The following FAXC variants were observed in gnomAD, a reference collection of about 807,000 sequenced individuals.
The protein encoded by FAXC is failed axon connections homolog.
A neutral mutation model predicts 41.9 loss-of-function variants in FAXC; 10 were observed. That is an observed-to-expected ratio of 0.24 (90% CI 0.15 to 0.41). The LOEUF is 0.41. Among genes scored for constraint, FAXC ranks in the 10% least tolerant of loss-of-function variants. FAXC has a pLI of 1.00. For missense variants in FAXC, 399 were observed against 510.9 expected, an observed-to-expected ratio of 0.78 and a Z score of 2.11; for synonymous variants, 183 against 183.8, an observed-to-expected ratio of 1.00 and a Z score of 0.03.
intron 5 of FAXC, among the ~76,000 whole-genome samples, chr6:99,285,208 C>T (rs1325628982): frequency 6.6e-6 from 1 of 151,968 alleles, no homozygotes; most frequent in Non-Finnish European, 1.5e-5. Context: ...GTACTCTATT[C>T]AACTATAATA....
At chr6:99,336,148 T>C (rs1773209384) in intron 2 of FAXC, among the ~76,000 whole-genome samples, 1 of 152,152 alleles carries the variant, frequency 6.6e-6, no homozygotes, top group Non-Finnish European at 1.5e-5. Context: ...ACTCCTGGGC[T>C]CAAGCAATCT....
intron 1 of FAXC, among the ~76,000 whole-genome samples, chr6:99,347,407 A>C (rs1582697329): frequency 3.2e-4 from 1 of 3,160 alleles, no homozygotes; most frequent in Non-Finnish European, 4.7e-4. Flanking sequence ...GTCTCAAAAG[A>C]AAAAAAAAAA....
At chr6:99,306,812 G>C (rs1771938922) in intron 4 of FAXC, among the ~76,000 whole-genome samples, 1 of 152,178 alleles carries the variant, frequency 6.6e-6, no homozygotes, top group Non-Finnish European at 1.5e-5. Context: ...ATCGTTGTGA[G>C]CATGAAATAA....
chr6:99,336,056 T>C (rs1773205403), intron 2 of FAXC, among the ~76,000 whole-genome samples: 1 of 152,100 alleles, frequency 6.6e-6, no homozygotes, highest in South Asian at 2.1e-4. Flanking sequence ...TCAATTTCTC[T>C]AAATGTGGTC....
Position 99,277,563 on chromosome 6 carries a change from A to G in FAXC, c.*3601T>C, listed in dbSNP as rs1770676095. ...TCCATCTTGCTATTCTTCAGAGTCT[A>G]GCAATACCCTGCACTGATGAGAGGT... On this transcript the variant is annotated 3_prime_UTR_variant, in exon 6 of 6. Coordinates refer to ENST00000389677, the MANE Select transcript of FAXC (RefSeq NM_032511.4). The G allele has an allele frequency of 6.6e-6, 1 of 152,266 alleles. No individual in the cohort carries two copies. The highest frequency in any genetic ancestry group is 2.1e-4 in the South Asian group (1 of 4,832). 9.4% of individuals were successfully genotyped at this position (152,266 alleles called of 1,614,324 possible).
At chr6:99,347,107 T>TA (rs71021726) in intron 1 of FAXC, among the ~76,000 whole-genome samples, 17,890 of 149,522 alleles carry the variant, frequency 0.12, 1,341 homozygotes, top group Non-Finnish European at 0.17. Context: ...ACAAAAAAGT[T>TA]AAAAAAAAAA....
chr6:99,323,052 C>G (rs1472315404), intron 4 of FAXC, among the ~76,000 whole-genome samples: 1 of 152,204 alleles, frequency 6.6e-6, no homozygotes, highest in Non-Finnish European at 1.5e-5. Context: ...AATGGGCACA[C>G]AGTTGAACCT....
Position 99,274,714 on chromosome 6 carries a change from G to A in FAXC, c.*6450C>T, listed in dbSNP as rs1047386614. ...GAGTAAACATGTCACCCCTACTGAA[G>A]CAGAAGCCTTTAGCCTTATTTCTGT... On this transcript the variant is annotated 3_prime_UTR_variant, in exon 6 of 6. Coordinates refer to ENST00000389677, the MANE Select transcript of FAXC (RefSeq NM_032511.4). 3 of 152,170 alleles carry A rather than the reference G, an allele frequency of 2.0e-5. No homozygotes were observed. The East Asian group carries it at 5.8e-4, about 29-fold the overall frequency. The allele number at this position is 152,170 out of a possible 1,614,324, so 9.4% of individuals were successfully genotyped here.
intron 4 of FAXC, among the ~76,000 whole-genome samples, chr6:99,300,652 G>T (rs928508690): frequency 6.6e-6 from 1 of 152,136 alleles, no homozygotes. Context: ...ATCTTCTGAG[G>T]ATAAAGAAAA....
At chr6:99,336,713 A>G (rs955353264) in intron 2 of FAXC, among the ~76,000 whole-genome samples, 12 of 152,224 alleles carry the variant, frequency 7.9e-5, no homozygotes, top group African/African-American at 2.2e-4. Flanking sequence ...GGTCTCCCTT[A>G]ACCCTCCCTG....
chr6:99,340,547 C>A (rs1435555121), intron 2 of FAXC, among the ~76,000 whole-genome samples: 2 of 151,086 alleles, frequency 1.3e-5, no homozygotes, highest in African/African-American at 4.9e-5. Context: ...GGGAAGTTCT[C>A]AAATAAAAAG....
At chr6:99,298,337 T>C (rs1771578939) in intron 4 of FAXC, among the ~76,000 whole-genome samples, 1 of 152,042 alleles carries the variant, frequency 6.6e-6, no homozygotes. Flanking sequence ...TCCAAAGTGC[T>C]GGGATTCCAG....
At chr6:99,310,406 C>G (rs1056493955) in intron 4 of FAXC, among the ~76,000 whole-genome samples, 7 of 152,202 alleles carry the variant, frequency 4.6e-5, no homozygotes, top group Non-Finnish European at 8.8e-5. Flanking sequence ...AAACTACCTT[C>G]CCCCAGACCC....
At chr6:99,317,379 C>T (rs1378132930) in intron 4 of FAXC, among the ~76,000 whole-genome samples, 2 of 150,022 alleles carry the variant, frequency 1.3e-5, no homozygotes, top group Non-Finnish European at 2.9e-5. Context: ...CTGTACTCTG[C>T]TTCCAGGGGC....
chr6:99,272,093 T>A lies in FAXC; in HGVS notation c.*9071A>T, dbSNP rs2128443183. The A allele has an allele frequency of 6.6e-6, 1 of 152,058 alleles. No individual in the cohort carries two copies. The highest frequency in any genetic ancestry group is 1.9e-4 in the East Asian group (1 of 5,162). 9.4% of individuals were successfully genotyped at this position (152,058 alleles called of 1,614,324 possible). ...CCCAAACGTCTTTCTTCATCTGTAA[T>A]TTGGGAACAATAATTACTTTATTGA... On this transcript the variant is annotated 3_prime_UTR_variant, in exon 6 of 6. Transcript: ENST00000389677.
chr6:99,347,486 G>C (rs916723849), intron 1 of FAXC, among the ~76,000 whole-genome samples: 2 of 152,132 alleles, frequency 1.3e-5, no homozygotes, highest in Admixed American at 1.3e-4. Context: ...CCAGTGCTGA[G>C]GTATATAGTC....
chr6:99,309,210 G>GT (rs919424278), intron 4 of FAXC, among the ~76,000 whole-genome samples: 101 of 149,104 alleles, frequency 6.8e-4, no homozygotes, highest in South Asian at 6.4e-4. Context: ...TCTTGTAAGG[G>GT]TTTTTTTTTT....
intron 4 of FAXC, among the ~76,000 whole-genome samples, chr6:99,307,607 G>C (rs2128455523): frequency 6.6e-6 from 1 of 152,274 alleles, no homozygotes. Context: ...GGCTAAGCAG[G>C]AGTGCACTTG....
chr6:99,319,325 C>T (rs891854953), intron 4 of FAXC, among the ~76,000 whole-genome samples: 1 of 148,084 alleles, frequency 6.8e-6, no homozygotes, highest in Admixed American at 7.0e-5. Flanking sequence ...CGTGATCCCG[C>T]GAAGCGGAGC....
Sources: allele counts gnomAD v4.1 joint callset (sites outside exome capture counted in the v4.1 genomes callset), GRCh38; gene constraint gnomAD v4.1.1; transcripts MANE v1.5; gene names NCBI Gene and HGNC (gene_info 2026-07-23, HGNC 2026-07-21).